PLPP1: variants seen among roughly 807,000 people sequenced by gnomAD.
The protein encoded by PLPP1 is lipid phosphate phosphohydrolase 1a.
Under a neutral mutation model 31.2 loss-of-function variants are expected in PLPP1, and 24 were observed. The ratio of observed to expected loss-of-function variants is 0.77; its 90% CI spans 0.56 to 1.08. The LOEUF (loss-of-function observed/expected upper bound fraction) is 1.08, where lower values mean the gene tolerates loss of function less well. Among genes scored for constraint, PLPP1 ranks in the 50% least tolerant of loss-of-function variants. PLPP1 has a pLI of 0.00. For missense variants in PLPP1, 319 were observed against 342.7 expected (o/e 0.93, Z 0.55); for synonymous variants, 146 against 126.3 (o/e 1.16, Z -1.05).
intron 3 of PLPP1, among the ~76,000 whole-genome samples, chr5:55,467,335 T>C (rs1255853071): frequency 2.0e-5 from 3 of 152,120 alleles, no homozygotes; most frequent in African/African-American, 7.2e-5. Flanking sequence ...GCTTTCTTGC[T>C]ATTAACAGCA....
intron 4 of PLPP1, among the ~76,000 whole-genome samples, chr5:55,433,268 G>A (rs944071512): frequency 3.3e-5 from 5 of 150,950 alleles, no homozygotes; most frequent in Admixed American, 2.0e-4. Flanking sequence ...TGAGGTTGCA[G>A]TGAGCTGAGA....
At chr5:55,493,905 T>C (rs1175326712) in intron 1 of PLPP1, among the ~76,000 whole-genome samples, 1 of 147,946 alleles carries the variant, frequency 6.8e-6, no homozygotes, top group East Asian at 2.0e-4. Context: ...AAATAGCTGG[T>C]CATAGTGGCA....
chr5:55,496,007 G>A (rs1057076713), intron 1 of PLPP1, among the ~76,000 whole-genome samples: 8 of 151,922 alleles, frequency 5.3e-5, no homozygotes, highest in South Asian at 2.1e-4. Context: ...ACAGGCACGC[G>A]CCACCAAGCC....
chr5:55,507,674 T>A (rs1753311008), intron 1 of PLPP1, among the ~76,000 whole-genome samples: 1 of 152,174 alleles, frequency 6.6e-6, no homozygotes, highest in Non-Finnish European at 1.5e-5. Context: ...CAAAGCCACG[T>A]AGGTTGCAGA....
chr5:55,530,366 A>C (rs569512241), intron 1 of PLPP1: 823 of 1,329,566 alleles, frequency 6.2e-4, no homozygotes, highest in Non-Finnish European at 7.4e-4. Flanking sequence ...GATTACTGTT[A>C]GAGTGATCCA....
chr5:55,534,508 C>T (rs1414663455), intron 1 of PLPP1, 64 bp downstream of exon 1: 1 of 1,463,040 alleles, frequency 6.8e-7, no homozygotes, highest in African/African-American at 1.5e-5. Flanking sequence ...CCCGTCGCGG[C>T]TCTGCGCTAA....
chr5:55,518,277 A>C (rs537335615), intron 1 of PLPP1, among the ~76,000 whole-genome samples: 2 of 152,342 alleles, frequency 1.3e-5, no homozygotes, highest in African/African-American at 4.8e-5. Context: ...GCTATTTCTT[A>C]GAAATTCTGA....
intron 1 of PLPP1, among the ~76,000 whole-genome samples, chr5:55,519,711 T>C (rs1295820314): frequency 1.3e-5 from 2 of 150,866 alleles, no homozygotes; most frequent in African/African-American, 4.9e-5. Flanking sequence ...GATCGCGCCA[T>C]TGCACTCCAG....
chr5:55,440,408 A>C (rs1751595913), intron 4 of PLPP1, among the ~76,000 whole-genome samples: 1 of 152,234 alleles, frequency 6.6e-6, no homozygotes, highest in African/African-American at 2.4e-5. Flanking sequence ...ATTAAAAAGA[A>C]AAAAATATGT....
chr5:55,521,353 A>G, intron 1 of PLPP1, among the ~76,000 whole-genome samples: 1 of 2,586 alleles, frequency 3.9e-4, no homozygotes, highest in South Asian at 0.023. Flanking sequence ...CTCTGTCTCA[A>G]AAAAAAAAAA....
intron 1 of PLPP1, among the ~76,000 whole-genome samples, chr5:55,504,090 G>A (rs569506259): frequency 1.3e-5 from 2 of 151,996 alleles, no homozygotes; most frequent in African/African-American, 4.8e-5. Flanking sequence ...CAAAAATTAG[G>A]CCGGGTGTGG....
intron 1 of PLPP1, among the ~76,000 whole-genome samples, chr5:55,490,144 C>CTTTTTTTTTTTTTTTT (rs896241457): frequency 1.2e-5 from 1 of 83,394 alleles, no homozygotes. Context: ...CTTTTCTTTT[C>CTTTTTTTTTTTTTTTT]TTTTTTTTTT....
chr5:55,460,149 C>CA (rs1400729953), intron 3 of PLPP1, among the ~76,000 whole-genome samples: 3 of 152,080 alleles, frequency 2.0e-5, no homozygotes, highest in Non-Finnish European at 4.4e-5. Flanking sequence ...CACAGGGGGT[C>CA]AGCGCCCCAG....
At chr5:55,516,370 C>T (rs1291627279) in intron 1 of PLPP1, among the ~76,000 whole-genome samples, 2 of 152,146 alleles carry the variant, frequency 1.3e-5, no homozygotes, top group African/African-American at 2.4e-5. Flanking sequence ...GCTACCTCAT[C>T]CTCCTTTTTT....
intron 3 of PLPP1, among the ~76,000 whole-genome samples, chr5:55,459,278 C>A (rs1752099329): frequency 2.0e-5 from 3 of 150,370 alleles, no homozygotes; most frequent in Admixed American, 1.3e-4. Flanking sequence ...AACAGCACGG[C>A]CACAAGATAA....
intron 4 of PLPP1, among the ~76,000 whole-genome samples, chr5:55,436,408 GCT>G (rs564015000): frequency 4.0e-4 from 61 of 152,310 alleles, no homozygotes; most frequent in African/African-American, 1.3e-3. Context: ...CCCTGCACAA[GCT>G]CTCTCTGCCT....
intron 2 of PLPP1, among the ~76,000 whole-genome samples, chr5:55,468,621 G>A (rs1752355446): frequency 6.6e-6 from 1 of 151,956 alleles, no homozygotes; most frequent in Non-Finnish European, 1.5e-5. Context: ...GGCCAACATG[G>A]TAAAACCCTG....
chr5:55,452,891 A>C (rs1751923089), intron 3 of PLPP1, among the ~76,000 whole-genome samples: 1 of 152,206 alleles, frequency 6.6e-6, no homozygotes, highest in Non-Finnish European at 1.5e-5. Flanking sequence ...TTATTTTTAA[A>C]AATCAGAAGG....
intron 1 of PLPP1, among the ~76,000 whole-genome samples, chr5:55,524,121 ATT>A (rs1579985957): frequency 6.6e-6 from 1 of 152,222 alleles, no homozygotes; most frequent in Non-Finnish European, 1.5e-5. Flanking sequence ...TTTAAAAACA[ATT>A]TGAGTTTAAC....
Sources: allele counts gnomAD v4.1 joint callset (sites outside exome capture counted in the v4.1 genomes callset), GRCh38; gene constraint gnomAD v4.1.1; transcripts MANE v1.5; gene names NCBI Gene and HGNC (gene_info 2026-07-23, HGNC 2026-07-21).